FAM153A: variants seen among roughly 807,000 people sequenced by gnomAD.
The protein encoded by FAM153A is protein FAM153A.
In FAM153A, 12 loss-of-function variants were observed where a neutral mutation model predicts 48.1. That is an observed-to-expected ratio of 0.25 (90% CI 0.16 to 0.40). The LOEUF (loss-of-function observed/expected upper bound fraction) is 0.40. FAM153A is among the 10% of genes least tolerant of loss of function. The pLI is 1.00. For missense variants in FAM153A, 111 were observed against 345.8 expected (o/e 0.32, Z 5.38); for synonymous variants, 36 against 118.2 (o/e 0.30, Z 4.51).
At chr5:177,759,736 T>C (rs1213316975) in intron 1 of FAM153A, among the ~76,000 whole-genome samples, 1 of 151,128 alleles carries the variant, frequency 6.6e-6, no homozygotes, top group Admixed American at 6.6e-5. Context: ...ATACCACATG[T>C]TCTCACTCAT....
intron 1 of FAM153A, among the ~76,000 whole-genome samples, chr5:177,778,261 T>TAAAAAAAAAAAAAAA (rs774084490): frequency 2.5e-4 from 5 of 20,040 alleles, no homozygotes; most frequent in Admixed American, 8.8e-4. Flanking sequence ...TAGAGTATAA[T>TAAAAAAAAAAAAAAA]AAAAAAAAAA....
downstream of FAM153A, among the ~76,000 whole-genome samples, chr5:177,708,525 A>T (rs542630112): frequency 1.2e-4 from 18 of 151,554 alleles, 1 homozygote; most frequent in South Asian, 6.3e-4. Context: ...TGCGGTGAGC[A>T]GAGATCGTGC....
chr5:177,736,830 T>G (rs1343024089), intron 11 of FAM153A, among the ~76,000 whole-genome samples: 1 of 37,422 alleles, frequency 2.7e-5, no homozygotes, highest in African/African-American at 1.1e-4. Context: ...GACATTTCTC[T>G]TAAGGTAAAT....
chr5:177,781,229 G>T (rs1769614801), upstream of FAM153A, among the ~76,000 whole-genome samples: 1 of 120,108 alleles, frequency 8.3e-6, no homozygotes, highest in Non-Finnish European at 1.7e-5. Flanking sequence ...CTCCGGAGTA[G>T]CTGGGACTAT....
chr5:177,699,690 A>G, the FAM153A span, among the ~76,000 whole-genome samples: 1 of 152,272 alleles, frequency 6.6e-6, no homozygotes, highest in South Asian at 2.1e-4. Context: ...GTATAACAAG[A>G]AAAGATATTG....
upstream of FAM153A, among the ~76,000 whole-genome samples, chr5:177,757,793 A>G (rs201848024): frequency 1.7e-3 from 239 of 143,988 alleles, no homozygotes; most frequent in East Asian, 7.9e-3. Flanking sequence ...CATGCTAAAA[A>G]CTCTCAATAA....
upstream of FAM153A, among the ~76,000 whole-genome samples, chr5:177,754,491 G>A (rs1486466996): frequency 1.3e-5 from 2 of 151,844 alleles, no homozygotes; most frequent in Non-Finnish European, 2.9e-5. Flanking sequence ...GAGAGTAGTG[G>A]TTCTCCCGGC....
At chr5:177,708,966 G>A (rs1290667200), downstream of FAM153A, among the ~76,000 whole-genome samples, 1 of 149,606 alleles carries the variant, frequency 6.7e-6, no homozygotes, top group Non-Finnish European at 1.5e-5. Context: ...GTGGTGGTGG[G>A]TGCCTGTAGT....
intron 1 of FAM153A, among the ~76,000 whole-genome samples, chr5:177,759,273 A>G (rs28892870): frequency 0.021 from 3,117 of 151,830 alleles, 150 homozygotes; most frequent in African/African-American, 0.071. Flanking sequence ...ATGACATACC[A>G]TCTCACACCA....
downstream of FAM153A, chr5:177,717,402 G>A (rs1760079319): frequency 6.7e-6 from 1 of 149,654 alleles, no homozygotes; most frequent in African/African-American, 2.5e-5. Context: ...AAGGAGGCAG[G>A]TAATCAATGT....
At chr5:177,699,718 C>T in the FAM153A span, among the ~76,000 whole-genome samples, 3 of 152,172 alleles carry the variant, frequency 2.0e-5, no homozygotes, top group South Asian at 6.2e-4. Context: ...AATAAAAAAT[C>T]CTTCCCCCAC....
intron 6 of FAM153A, among the ~76,000 whole-genome samples, chr5:177,743,190 GTTTT>G: frequency 1.3e-5 from 1 of 75,762 alleles, no homozygotes; most frequent in Admixed American, 1.3e-4. Flanking sequence ...GCATTCACTT[GTTTT>G]TTTTTTGTTT....
At chr5:177,718,619 G>A (rs1354541436), downstream of FAM153A, 2 of 132,842 alleles carry the variant, frequency 1.5e-5, no homozygotes, top group Non-Finnish European at 1.7e-5. Context: ...ATAAAATTAA[G>A]AAAAAATAAA....
At chr5:177,717,446 G>A (rs934899707), downstream of FAM153A, 2 of 150,928 alleles carry the variant, frequency 1.3e-5, no homozygotes, top group Middle Eastern at 3.4e-3. Flanking sequence ...TTGGAACCAC[G>A]GGTGTAATCA....
At chr5:177,755,880 C>CA (rs1368678867), upstream of FAM153A, among the ~76,000 whole-genome samples, 4 of 150,114 alleles carry the variant, frequency 2.7e-5, no homozygotes, top group Non-Finnish European at 4.4e-5. Flanking sequence ...ACTGTAAAAC[C>CA]ATGCCAAATT....
chr5:177,747,523 A>T, intron 4 of FAM153A: 1 of 518,860 alleles, frequency 1.9e-6, no homozygotes. Flanking sequence ...TCATTCCTCC[A>T]TACCTCCCAA....
exon 13 of FAM153A, chr5:177,734,915 A>G (rs778896879): frequency 1.0e-5 from 16 of 1,539,092 alleles, no homozygotes; most frequent in Non-Finnish European, 1.4e-5. Flanking sequence ...CAGCTCCTGA[A>G]GTACATCCCT....
the FAM153A span, among the ~76,000 whole-genome samples, chr5:177,698,825 T>G: frequency 1.3e-5 from 2 of 151,636 alleles, no homozygotes; most frequent in South Asian, 4.2e-4. Context: ...GCCTGGCTAA[T>G]TTTTGTATTT....
In FAM153A at chr5:177,739,493, A is replaced by G. The variant is rs553078944; in HGVS notation, c.537+107T>C. On this transcript the variant is annotated intron_variant, in intron 9 of 20. Coordinates refer to ENST00000614127, the Ensembl canonical transcript of FAM153A. The stretch of plus-strand genomic sequence containing the variant: ...TTCCCACCAAGAAATTCTGTAAGTC[A>G]TCTAAAATGTACATGGCAGTAAGAT... 7 of 1,147,036 alleles carry G rather than the reference A, an allele frequency of 6.1e-6. 3 individuals carry two copies. In the African/African-American group the frequency reaches 1.1e-4, roughly 18 times the overall value. The allele number at this position is 1,147,036 out of a possible 1,614,324, so 71.1% of individuals were successfully genotyped here. A position where few individuals can be genotyped will look rare whatever the true frequency, so the allele number is the denominator to read the frequency against.
Sources: allele counts gnomAD v4.1 joint callset (sites outside exome capture counted in the v4.1 genomes callset), GRCh38; gene constraint gnomAD v4.1.1; transcripts MANE v1.5; gene names NCBI Gene and HGNC (gene_info 2026-07-23, HGNC 2026-07-21).